Variants in CAMTA1 observed in about 807,000 individuals in gnomAD.
The protein encoded by CAMTA1 is calmodulin binding transcription activator 1, also known as calmodulin-binding transcription activator 1.
A neutral mutation model predicts 170.9 loss-of-function variants in CAMTA1; 27 were observed. The ratio of observed to expected loss-of-function variants is 0.16; its 90% confidence interval spans 0.12 to 0.22. The LOEUF is 0.22. CAMTA1 is among the 10% of genes least tolerant of loss of function. CAMTA1 has a pLI of 1.00. For synonymous variants in CAMTA1, 833 were observed against 891.5 expected (o/e 0.93, Z 1.17); for missense variants, 1,619 against 2,217.2 (o/e 0.73, Z 5.42).
intron 3 of CAMTA1, among the ~76,000 whole-genome samples, chr1:6,891,803 C>G (rs1232624868): frequency 2.0e-5 from 3 of 152,162 alleles, no homozygotes. Context: ...AAAATAGTAG[C>G]AGCTCAGATT....
intron 11 of CAMTA1, among the ~76,000 whole-genome samples, chr1:7,705,776 G>A (rs948160502): frequency 1.3e-5 from 2 of 152,200 alleles, no homozygotes; most frequent in African/African-American, 4.8e-5. Context: ...GGGGAGCGGA[G>A]GGACGCTCGA....
chr1:7,499,611 T>G (rs1312995473), intron 6 of CAMTA1, among the ~76,000 whole-genome samples: 1 of 141,718 alleles, frequency 7.1e-6, no homozygotes, highest in Non-Finnish European at 1.5e-5. Flanking sequence ...TATGAGTGTG[T>G]GTGTGCATGA....
chr1:7,025,603 T>C (rs1294936446), intron 3 of CAMTA1, among the ~76,000 whole-genome samples: 2 of 152,112 alleles, frequency 1.3e-5, no homozygotes, highest in African/African-American at 4.8e-5. Flanking sequence ...AGCTGAATAA[T>C]TCAGACATTC....
chr1:7,629,402 T>A (rs2095654027), intron 6 of CAMTA1, among the ~76,000 whole-genome samples: 1 of 151,912 alleles, frequency 6.6e-6, no homozygotes, highest in Admixed American at 6.6e-5. Context: ...ATCCGGGAAC[T>A]AATGTCACCC....
chr1:7,616,575 T>TG lies in CAMTA1; in HGVS notation c.511-23819dup, dbSNP rs570658941. On this transcript the variant is annotated intron_variant, in intron 6 of 22. Coordinates refer to ENST00000303635, the MANE Select transcript of CAMTA1 (RefSeq NM_015215.4). ...AAGGAAGCCGGGCCTCGGGGGTGACTGGGGGGCATTTGGAAGAGGGTCCTT... is the reference window on the plus strand; with the variant it reads ...AAGGAAGCCGGGCCTCGGGGGTGACTGGGGGGGCATTTGGAAGAGGGTCCTT... Among the ~76,000 whole-genome samples, 140 of 152,264 alleles carry TG rather than the reference T, an allele frequency of 9.2e-4. 1 individual carries two copies. The Middle Eastern group carries it at 0.031, about 33-fold the overall frequency.
Position 7,642,532 on chromosome 1 carries a change from C to A in CAMTA1, c.664+1979C>A, listed in dbSNP as rs2095771740. Among the ~76,000 whole-genome samples the A allele has an allele frequency of 6.6e-6, 1 of 152,186 alleles. No individual in the cohort carries two copies. Among genetic ancestry groups the A allele is most frequent in the African/African-American group, 2.4e-5 (1 of 41,450 alleles). On this transcript the variant is annotated intron_variant, in intron 7 of 22. Coordinates refer to ENST00000303635, the MANE Select transcript of CAMTA1 (RefSeq NM_015215.4). This position sits in a 1 kb window ranked among gnomAD's most constrained non-coding sequence, Gnocchi z 6.3. Reference sequence around the variant, plus strand: ...AGTACATAGGGGGCACCTCACTATGCAGGGCTGGCACCGGACACTGGGTCC... The same window carrying A: ...AGTACATAGGGGGCACCTCACTATGAAGGGCTGGCACCGGACACTGGGTCC...
chr1:7,206,744 G>A (rs1294170675), intron 4 of CAMTA1, among the ~76,000 whole-genome samples: 1 of 152,214 alleles, frequency 6.6e-6, no homozygotes, highest in Non-Finnish European at 1.5e-5. Flanking sequence ...TAATGTGGGA[G>A]CCTCTGTTGC....
intron 11 of CAMTA1, among the ~76,000 whole-genome samples, chr1:7,700,398 CACTT>C (rs2096426590): frequency 6.6e-6 from 1 of 152,134 alleles, no homozygotes; most frequent in South Asian, 2.1e-4. Flanking sequence ...TTTAAATTGT[CACTT>C]AGTTTGAGCA....
rs1214421238 is a variant in CAMTA1, at chr1:6,887,621, G to A, written c.234+62411G>A. 29 of 1,530,746 alleles carry A rather than the reference G, an allele frequency of 1.9e-5. No individual in the cohort carries two copies. The highest frequency in any genetic ancestry group is 2.4e-5 in the Non-Finnish European group (27 of 1,145,056). The allele number at this position is 1,530,746 out of a possible 1,614,324, so 94.8% of individuals were successfully genotyped here. A position where few individuals can be genotyped will look rare whatever the true frequency, so the allele number is the denominator to read the frequency against. On this transcript the variant is annotated intron_variant, in intron 3 of 22. Coordinates refer to ENST00000303635, the MANE Select transcript of CAMTA1 (RefSeq NM_015215.4). This position sits in a 1 kb window ranked among gnomAD's most constrained non-coding sequence, Gnocchi z 4.1. ...AGTTAAAAACAGAAATAGAAGCGACGGTTTTGACCCATTTTACACCTATTT... is the reference window on the plus strand; with the variant it reads ...AGTTAAAAACAGAAATAGAAGCGACAGTTTTGACCCATTTTACACCTATTT...
intron 19 of CAMTA1, chr1:7,750,954 G>A (rs1573753): frequency 0.69 from 443,085 of 639,712 alleles, 155,536 homozygotes; most frequent in Admixed American, 0.78. Flanking sequence ...AGAAGGGCAA[G>A]ATATTTTGAT....
At chr1:7,019,520 G>A (rs1701054998) in intron 3 of CAMTA1, among the ~76,000 whole-genome samples, 1 of 152,008 alleles carries the variant, frequency 6.6e-6, no homozygotes, top group Non-Finnish European at 1.5e-5. Flanking sequence ...TCGTGGAGGG[G>A]CCCTTTAGCA....
At position 7,673,480 on chromosome 1, in the gene CAMTA1, A is replaced by C. The variant is rs1002271645; in HGVS notation, c.2779+2443A>C. Among the ~76,000 whole-genome samples the C allele has an allele frequency of 6.6e-6, 1 of 152,246 alleles. No homozygotes were observed. Among genetic ancestry groups the C allele is most frequent in the Non-Finnish European group, 1.5e-5 (1 of 68,034 alleles). ...CAAGGGGGAGTTCGGAGAGGGTACC[A>C]GGGCAGTTTGGGTCTCAACAGGCAG... is the stretch of plus-strand genomic sequence containing the variant. On this transcript the variant is annotated intron_variant, in intron 10 of 22. Coordinates refer to ENST00000303635, the MANE Select transcript of CAMTA1 (RefSeq NM_015215.4). The surrounding 1 kb of genome is among the most constrained non-coding windows in gnomAD (Gnocchi z 4.6).
At chr1:7,398,805 G>C (rs2089653847) in intron 5 of CAMTA1, among the ~76,000 whole-genome samples, 1 of 151,822 alleles carries the variant, frequency 6.6e-6, no homozygotes, top group Non-Finnish European at 1.5e-5. Context: ...TTGTGTATCT[G>C]CTATAGTTTT....
chr1:7,103,503 T>C (rs1052457644), intron 4 of CAMTA1, among the ~76,000 whole-genome samples: 3 of 133,046 alleles, frequency 2.3e-5, no homozygotes, highest in Non-Finnish European at 4.7e-5. Context: ...ACAACACAGA[T>C]ACACACTACA....
In CAMTA1 at chr1:7,665,075, T is replaced by A. The variant is rs1412506628; in HGVS notation, c.2528T>A (p.Met843Lys). The change falls in exon 9 of 23, where the codon ATG becomes AAG. Residue 843 changes from methionine to lysine, a missense_variant. Physicochemically the swap from Met to Lys is moderately conservative, Grantham distance 95. Transcript: ENST00000303635. The surrounding 1 kb of genome is among the most constrained non-coding windows in gnomAD (Gnocchi z 4.3). ...AGCTCGGAGGGCGGGGCCAGCACCA[T>A]GGCCTACATGCACGTCGCCGAGGTG... ...LSSSEGGAST[M>K]AYMHVAEVVS... is the part of the protein sequence containing the mutation. 1 of 1,558,350 alleles carries A rather than the reference T, an allele frequency of 6.4e-7. No individual in the cohort carries two copies. Among genetic ancestry groups the A allele is most frequent in the Non-Finnish European group, 8.7e-7 (1 of 1,152,336 alleles).
At chr1:7,567,532 G>T (rs1286596466) in intron 6 of CAMTA1, among the ~76,000 whole-genome samples, 1 of 152,254 alleles carries the variant, frequency 6.6e-6, no homozygotes, top group Non-Finnish European at 1.5e-5. Context: ...ATGGATGGGA[G>T]ACGTGCTTTG....
chr1:7,266,850 G>A (rs910142947), intron 5 of CAMTA1, among the ~76,000 whole-genome samples: 1 of 152,194 alleles, frequency 6.6e-6, no homozygotes, highest in Admixed American at 6.5e-5. Context: ...GCCAGAAAGG[G>A]ATCTGTGGGC....
chr1:7,605,169 T>C (rs60171536), intron 6 of CAMTA1, among the ~76,000 whole-genome samples: 3,411 of 152,258 alleles, frequency 0.022, 124 homozygotes, highest in African/African-American at 0.078. Flanking sequence ...CATTCTCCGA[T>C]CTCCAGCTGC....
intron 3 of CAMTA1, among the ~76,000 whole-genome samples, chr1:6,885,615 C>A (rs962640710): frequency 6.6e-6 from 1 of 152,238 alleles, no homozygotes; most frequent in Non-Finnish European, 1.5e-5. Context: ...AGTCCACATG[C>A]ATGCCATTGC....
Sources: allele counts gnomAD v4.1 joint callset (sites outside exome capture counted in the v4.1 genomes callset), GRCh38; gene constraint gnomAD v4.1.1; non-coding constraint Gnocchi (gnomAD v3.1); transcripts MANE v1.5; gene names NCBI Gene and HGNC (gene_info 2026-07-23, HGNC 2026-07-21).